Variants in CSNK1G1 observed in about 807,000 individuals in gnomAD.
CSNK1G1 encodes the protein casein kinase 1 gamma 1.
In CSNK1G1, 22 loss-of-function variants were observed where a neutral mutation model predicts 59.6. The observed-to-expected ratio is 0.37, with a 90% CI of 0.26 to 0.53. The LOEUF is 0.53. Ranked by LOEUF, CSNK1G1 falls within the 20% of genes least tolerant of loss-of-function variation. The pLI is 0.89. For missense variants in CSNK1G1, 384 were observed against 519.5 expected (o/e 0.74, Z 2.54); for synonymous variants, 179 against 177.1 (o/e 1.01, Z -0.08).
chr15:64,276,305 A>T (rs1893613992), intron 2 of CSNK1G1, among the ~76,000 whole-genome samples: 1 of 152,234 alleles, frequency 6.6e-6, no homozygotes, highest in Non-Finnish European at 1.5e-5. Flanking sequence ...TTTCTGCAGC[A>T]GAGAAATACC....
chr15:64,213,437 A>G (rs963795095), intron 6 of CSNK1G1, among the ~76,000 whole-genome samples: 1 of 152,204 alleles, frequency 6.6e-6, no homozygotes, highest in African/African-American at 2.4e-5. Context: ...TTTTCACTGA[A>G]TAAGACAGAA....
intron 2 of CSNK1G1, among the ~76,000 whole-genome samples, chr15:64,264,475 A>T (rs1228918469): frequency 3.3e-5 from 5 of 152,234 alleles, no homozygotes; most frequent in Non-Finnish European, 5.9e-5. Flanking sequence ...TTCTTTTCAA[A>T]CTATTTCAAA....
At chr15:64,277,928 T>C (rs1893826424) in intron 2 of CSNK1G1, among the ~76,000 whole-genome samples, 1 of 144,604 alleles carries the variant, frequency 6.9e-6, no homozygotes, top group East Asian at 2.0e-4. Flanking sequence ...AATATTGATA[T>C]ATTTAATAAT....
intron 4 of CSNK1G1, among the ~76,000 whole-genome samples, chr15:64,220,096 C>CT (rs113389447): frequency 0.054 from 7,413 of 136,584 alleles, 197 homozygotes; most frequent in South Asian, 0.077. Context: ...AATAACATAA[C>CT]TTTTTTTTTT....
intron 9 of CSNK1G1, 78 bp downstream of exon 9, chr15:64,204,363 C>T (rs1205730732): frequency 7.0e-6 from 8 of 1,144,992 alleles, no homozygotes; most frequent in Non-Finnish European, 9.6e-6. Context: ...GAAAGACTGG[C>T]AAGTAAAGGC....
Position 64,216,273 on chromosome 15 carries a change from A to G in CSNK1G1, c.444+289T>C, listed in dbSNP as rs1349910027. Among the ~76,000 whole-genome samples, 1 of 152,180 alleles carries G rather than the reference A, an allele frequency of 6.6e-6. No homozygotes were observed. On this transcript the variant is annotated intron_variant, in intron 5 of 11. Coordinates refer to ENST00000303052, the MANE Select transcript of CSNK1G1 (RefSeq NM_022048.5). The surrounding 1 kb of genome is among the most constrained non-coding windows in gnomAD (Gnocchi z 4.6). ...TCAAATAAATTATTCACATTTTTAC[A>G]ACTCCATCTAATCGACCTCTTTCTC...
intron 11 of CSNK1G1, among the ~76,000 whole-genome samples, chr15:64,177,264 C>A (rs144499558): frequency 6.6e-6 from 1 of 152,242 alleles, no homozygotes; most frequent in East Asian, 1.9e-4. Flanking sequence ...CCTTCTACCC[C>A]ACAAGCAGGC....
intron 3 of CSNK1G1, among the ~76,000 whole-genome samples, chr15:64,252,452 C>T (rs965639159): frequency 5.3e-5 from 8 of 152,038 alleles, no homozygotes; most frequent in African/African-American, 1.9e-4. Context: ...TCAAGCAATC[C>T]TCCCACTTCA....
At chr15:64,269,168 T>C (rs1893143869) in intron 2 of CSNK1G1, among the ~76,000 whole-genome samples, 1 of 152,200 alleles carries the variant, frequency 6.6e-6, no homozygotes. Flanking sequence ...TTTGGGCCTT[T>C]ATCTAGAAGT....
intron 11 of CSNK1G1, among the ~76,000 whole-genome samples, chr15:64,178,800 G>A (rs1052743593): frequency 6.6e-6 from 1 of 151,778 alleles, no homozygotes; most frequent in African/African-American, 2.4e-5. Context: ...GTGTGTGTGT[G>A]TGTGACAGGG....
intron 1 of CSNK1G1, among the ~76,000 whole-genome samples, chr15:64,320,874 T>G (rs1335882831): frequency 1.3e-5 from 2 of 152,126 alleles, no homozygotes; most frequent in African/African-American, 4.8e-5. Flanking sequence ...TCTCAAGTTC[T>G]TAAAGTGAAA....
chr15:64,181,831 T>C (rs780746327), intron 10 of CSNK1G1: 14 of 162,688 alleles, frequency 8.6e-5, no homozygotes, highest in Non-Finnish European at 1.6e-4. Flanking sequence ...ATCTTACTGT[T>C]ATTCTCTCTC....
chr15:64,278,342 C>T (rs571483638), intron 2 of CSNK1G1, among the ~76,000 whole-genome samples: 93 of 151,488 alleles, frequency 6.1e-4, no homozygotes, highest in Admixed American at 1.5e-3. Context: ...TCACCACACC[C>T]AGTCCAGGGG....
At chr15:64,189,058 G>A (rs1242860700) in intron 10 of CSNK1G1, among the ~76,000 whole-genome samples, 1 of 152,108 alleles carries the variant, frequency 6.6e-6, no homozygotes, top group Non-Finnish European at 1.5e-5. Context: ...CCCAGGAGGT[G>A]GAGGTTGCAG....
At chr15:64,352,946 G>A (rs886829350) in intron 1 of CSNK1G1, among the ~76,000 whole-genome samples, 3 of 151,970 alleles carry the variant, frequency 2.0e-5, no homozygotes, top group Admixed American at 1.3e-4. Flanking sequence ...AAAATTAGCT[G>A]GACATGGTGG....
At chr15:64,349,818 T>A (rs1898182612) in intron 1 of CSNK1G1, among the ~76,000 whole-genome samples, 1 of 151,736 alleles carries the variant, frequency 6.6e-6, no homozygotes, top group South Asian at 2.1e-4. Context: ...TTAGCACCTG[T>A]AATCCCAGCT....
At chr15:64,310,473 T>C (rs1895932120) in intron 1 of CSNK1G1, among the ~76,000 whole-genome samples, 1 of 151,642 alleles carries the variant, frequency 6.6e-6, no homozygotes, top group African/African-American at 2.4e-5. Context: ...CCCAGCACTT[T>C]GGAAGGCCAA....
At chr15:64,307,453 C>A (rs554488492) in intron 1 of CSNK1G1, among the ~76,000 whole-genome samples, 3 of 152,254 alleles carry the variant, frequency 2.0e-5, no homozygotes, top group Admixed American at 6.5e-5. Context: ...GTGGCTCATG[C>A]CTGTAGTCCC....
chr15:64,348,156 A>G (rs1015625324), intron 1 of CSNK1G1, among the ~76,000 whole-genome samples: 3 of 152,214 alleles, frequency 2.0e-5, no homozygotes, highest in African/African-American at 7.2e-5. Context: ...AGTGTCTGCC[A>G]GTAATTCAGG....
Sources: gnomAD v4.1 joint callset for allele counts (sites outside exome capture counted in the v4.1 genomes callset) on GRCh38, gnomAD v4.1.1 for gene constraint, Gnocchi (gnomAD v3.1) non-coding constraint, MANE v1.5 for transcripts, NCBI Gene and HGNC (gene_info 2026-07-23, HGNC 2026-07-21) for gene names.